CCDC7: variants seen among roughly 807,000 people sequenced by gnomAD.
CCDC7 encodes the protein coiled-coil domain-containing protein 7.
Under a neutral mutation model 196.9 loss-of-function variants are expected in CCDC7, and 183 were observed. That is an observed-to-expected ratio of 0.93 (90% CI 0.82 to 1.05). The LOEUF (loss-of-function observed/expected upper bound fraction) is 1.05, where lower values mean the gene tolerates loss of function less well. Among genes scored for constraint, CCDC7 ranks in the 50% least tolerant of loss-of-function variants. CCDC7 has a pLI of 0.00. For missense variants in CCDC7, 1,540 were observed against 1,482.2 expected (o/e 1.04, Z -0.64); for synonymous variants, 525 against 484.6 (o/e 1.08, Z -1.10).
At chr10:32,697,726 A>G (rs1219271766) in intron 24 of CCDC7, among the ~76,000 whole-genome samples, 1 of 152,220 alleles carries the variant, frequency 6.6e-6, no homozygotes, top group Non-Finnish European at 1.5e-5. Flanking sequence ...CTGCCTGTAT[A>G]GACTCCACCT....
chr10:32,758,894 C>A (rs1448932346), intron 28 of CCDC7, among the ~76,000 whole-genome samples: 1 of 152,166 alleles, frequency 6.6e-6, no homozygotes, highest in Non-Finnish European at 1.5e-5. Flanking sequence ...GCAACTTCAG[C>A]AAAATCTCAG....
At chr10:32,765,828 G>A (rs886611305) in intron 28 of CCDC7, among the ~76,000 whole-genome samples, 6 of 152,010 alleles carry the variant, frequency 3.9e-5, no homozygotes, top group African/African-American at 9.7e-5. Flanking sequence ...GCAAATTAAC[G>A]TATCCCCTGG....
At chr10:32,643,340 T>C (rs1031207102) in intron 20 of CCDC7, among the ~76,000 whole-genome samples, 13 of 152,208 alleles carry the variant, frequency 8.5e-5, no homozygotes, top group Non-Finnish European at 1.8e-4. Context: ...TGTTAGTGTA[T>C]GTGTGGTGTA....
chr10:32,461,531 T>G (rs1412359555), intron 3 of CCDC7, among the ~76,000 whole-genome samples: 3 of 151,786 alleles, frequency 2.0e-5, no homozygotes, highest in African/African-American at 2.4e-5. Context: ...TTAAGTAGTA[T>G]TATATTTTAT....
At chr10:32,715,680 G>A (rs1383982553) in intron 25 of CCDC7, among the ~76,000 whole-genome samples, 3 of 152,176 alleles carry the variant, frequency 2.0e-5, no homozygotes, top group Non-Finnish European at 4.4e-5. Flanking sequence ...CTGCTAACTA[G>A]AATAACCAGT....
chr10:32,483,736 C>T (rs1478393704), intron 8 of CCDC7, among the ~76,000 whole-genome samples: 2 of 152,162 alleles, frequency 1.3e-5, no homozygotes, highest in African/African-American at 2.4e-5. Context: ...TTTCCAGCAC[C>T]GTTTATTAAC....
At position 32,451,971 on chromosome 10, in the gene CCDC7, G is replaced by A. The variant is rs759174322; in HGVS notation, c.279+50G>A. The A allele has an allele frequency of 1.6e-5, 25 of 1,552,206 alleles. No homozygotes were observed. In the African/African-American group the frequency reaches 3.4e-4, roughly 21 times the overall value. ...TTGCAGGGCCCCCATGATCACCCCA[G>A]GTTTAGTGATGTGCTAGGAGGACTC... On this transcript the variant is annotated intron_variant, in intron 1 of 41. Transcript: ENST00000639629.
At chr10:32,490,045 C>T (rs2041910409) in intron 8 of CCDC7, among the ~76,000 whole-genome samples, 1 of 152,100 alleles carries the variant, frequency 6.6e-6, no homozygotes. Context: ...GAGCAGGCTA[C>T]TAGGAACCAT....
At chr10:32,733,926 C>A (rs1020168522) in intron 28 of CCDC7, among the ~76,000 whole-genome samples, 1 of 152,102 alleles carries the variant, frequency 6.6e-6, no homozygotes. Context: ...AAGTCAAAAA[C>A]AACACATGTT....
intron 24 of CCDC7, among the ~76,000 whole-genome samples, chr10:32,708,060 G>C (rs955242538): frequency 6.6e-6 from 1 of 152,096 alleles, no homozygotes; most frequent in Admixed American, 6.6e-5. Context: ...CACGCTACCT[G>C]ACTTCAAACT....
intron 28 of CCDC7, among the ~76,000 whole-genome samples, chr10:32,745,555 A>G (rs1190945377): frequency 6.6e-6 from 1 of 152,152 alleles, no homozygotes; most frequent in Non-Finnish European, 1.5e-5. Flanking sequence ...CTCACTGATT[A>G]TTACTATGAG....
At chr10:32,836,790 G>A (rs1190526930) in intron 33 of CCDC7, among the ~76,000 whole-genome samples, 1 of 151,980 alleles carries the variant, frequency 6.6e-6, no homozygotes, top group Non-Finnish European at 1.5e-5. Context: ...TACTCTGTTA[G>A]ACTTGGCAAA....
intron 16 of CCDC7, among the ~76,000 whole-genome samples, chr10:32,573,995 G>A (rs182833334): frequency 2.0e-5 from 3 of 152,230 alleles, no homozygotes; most frequent in African/African-American, 7.2e-5. Context: ...TTACCAAGAA[G>A]CTACATCAAA....
chr10:32,510,448 A>G (rs1161764076), intron 9 of CCDC7, among the ~76,000 whole-genome samples: 1 of 152,190 alleles, frequency 6.6e-6, no homozygotes, highest in African/African-American at 2.4e-5. Context: ...CTTAATAGCA[A>G]CAGCAGCAGC....
chr10:32,708,234 T>G (rs150184679), intron 24 of CCDC7, among the ~76,000 whole-genome samples: 2,904 of 152,248 alleles, frequency 0.019, 96 homozygotes, highest in African/African-American at 0.066. Flanking sequence ...GGATTCCCTA[T>G]TTAATAAATG....
downstream of CCDC7, among the ~76,000 whole-genome samples, chr10:32,881,792 C>G (rs1437265668): frequency 1.3e-5 from 2 of 151,806 alleles, no homozygotes; most frequent in East Asian, 3.9e-4. Context: ...AATTCTCAAA[C>G]CCTTCAGTTT....
chr10:32,498,162 T>A (rs1360770872), intron 9 of CCDC7, among the ~76,000 whole-genome samples: 3 of 152,202 alleles, frequency 2.0e-5, no homozygotes, highest in Non-Finnish European at 4.4e-5. Context: ...CTTTTCTCTT[T>A]TGATTTCTGC....
chr10:32,735,929 C>G (rs1449555182), intron 28 of CCDC7, among the ~76,000 whole-genome samples: 2 of 151,980 alleles, frequency 1.3e-5, no homozygotes, highest in African/African-American at 4.8e-5. Context: ...GAAAAGAGTC[C>G]TTTATTGAAT....
At chr10:32,730,075 G>A (rs1271311599) in intron 28 of CCDC7, among the ~76,000 whole-genome samples, 1 of 152,012 alleles carries the variant, frequency 6.6e-6, no homozygotes, top group East Asian at 1.9e-4. Context: ...ATTGTGGTTT[G>A]CTGCACAGAT....
Sources: allele counts gnomAD v4.1 joint callset (sites outside exome capture counted in the v4.1 genomes callset), GRCh38; gene constraint gnomAD v4.1.1; transcripts MANE v1.5; gene names NCBI Gene and HGNC (gene_info 2026-07-23, HGNC 2026-07-21).